Variants in ERAP1 observed in about 807,000 individuals in gnomAD.
The protein encoded by ERAP1 is adipocyte-derived leucine aminopeptidase.
In ERAP1, 86 loss-of-function variants were observed where a neutral mutation model predicts 103.7. The observed-to-expected ratio is 0.83, with a 90% CI of 0.70 to 0.99. The LOEUF (loss-of-function observed/expected upper bound fraction) is 0.99, where lower values mean the gene tolerates loss of function less well. Among genes scored for constraint, ERAP1 ranks in the 50% least tolerant of loss-of-function variants. ERAP1 has a pLI of 0.00. For missense variants in ERAP1, 1,009 were observed against 1,128.4 expected, an observed-to-expected ratio of 0.89 and a Z score of 1.52; for synonymous variants, 398 against 402.4, an observed-to-expected ratio of 0.99 and a Z score of 0.13.
the ERAP1 span, among the ~76,000 whole-genome samples, chr5:96,833,748 A>G: frequency 2.6e-5 from 4 of 151,812 alleles, no homozygotes; most frequent in Non-Finnish European, 5.9e-5. Context: ...CAGTGAACCA[A>G]GATTGCACCA....
chr5:96,830,021 A>G, the ERAP1 span, among the ~76,000 whole-genome samples: 1 of 152,208 alleles, frequency 6.6e-6, no homozygotes, highest in Admixed American at 6.5e-5. Flanking sequence ...CAAAGAGTTA[A>G]CAAGATCTTG....
chr5:96,869,661 C>T, the ERAP1 span, among the ~76,000 whole-genome samples: 2 of 152,128 alleles, frequency 1.3e-5, no homozygotes, highest in Non-Finnish European at 2.9e-5. Flanking sequence ...CTGAAGGAAA[C>T]GAAGAGTGTT....
the ERAP1 span, among the ~76,000 whole-genome samples, chr5:96,933,036 T>C: frequency 6.6e-6 from 1 of 152,144 alleles, no homozygotes; most frequent in Non-Finnish European, 1.5e-5. Context: ...AAAAACATAA[T>C]GGGTTTTGGT....
chr5:96,890,514 G>C, the ERAP1 span, among the ~76,000 whole-genome samples: 1 of 152,178 alleles, frequency 6.6e-6, no homozygotes, highest in Non-Finnish European at 1.5e-5. Flanking sequence ...CCCTGTTGTA[G>C]AGCATATAAA....
the ERAP1 span, among the ~76,000 whole-genome samples, chr5:96,891,323 G>A: frequency 6.0e-5 from 9 of 150,664 alleles, no homozygotes; most frequent in African/African-American, 1.5e-4. Context: ...TAAACCATGC[G>A]CATACATTTA....
chr5:96,781,276 G>A, intron 16 of ERAP1, 78 bp from the exon 17 acceptor site: 1 of 1,467,892 alleles, frequency 6.8e-7, no homozygotes, highest in South Asian at 1.2e-5. Flanking sequence ...AAAATTACTT[G>A]TAAAAGAAAA....
chr5:96,933,151 A>G, the ERAP1 span, among the ~76,000 whole-genome samples: 3 of 150,940 alleles, frequency 2.0e-5, no homozygotes, highest in African/African-American at 7.3e-5. Flanking sequence ...TTTTGCTCCT[A>G]GGTAGGCTTC....
chr5:96,802,714 T>C (rs529207145), intron 2 of ERAP1, among the ~76,000 whole-genome samples: 1 of 152,304 alleles, frequency 6.6e-6, no homozygotes, highest in South Asian at 2.1e-4. Context: ...AGTCCTAACC[T>C]GTAGTATCTG....
chr5:96,767,388 A>C (rs1476882081), intron 19 of ERAP1: 2 of 1,493,366 alleles, frequency 1.3e-6, no homozygotes, highest in African/African-American at 2.8e-5. Flanking sequence ...AAACCTAAGT[A>C]AACCTTTACA....
the ERAP1 span, among the ~76,000 whole-genome samples, chr5:96,815,407 G>GTTTTTTTTTTTTTTTTTTTTTTTTTTT: frequency 9.5e-6 from 1 of 105,458 alleles, no homozygotes. Flanking sequence ...TGTTTGTTTT[G>GTTTTTTTTTTTTTTTTTTTTTTTTTTT]TTTTTTATTT....
intron 7 of ERAP1, among the ~76,000 whole-genome samples, chr5:96,792,487 CACA>C (rs779548416): frequency 1.2e-4 from 18 of 152,110 alleles, no homozygotes; most frequent in Non-Finnish European, 1.9e-4. Context: ...CAAACAGCAA[CACA>C]ACAAGAAATT....
the ERAP1 span, among the ~76,000 whole-genome samples, chr5:96,842,343 G>GT: frequency 6.6e-6 from 1 of 152,126 alleles, no homozygotes; most frequent in Non-Finnish European, 1.5e-5. Context: ...TCTACTTTTA[G>GT]TTCTTGAAGG....
the ERAP1 span, chr5:96,909,524 A>C: frequency 4.3e-6 from 6 of 1,409,358 alleles, no homozygotes; most frequent in African/African-American, 1.4e-5. Context: ...GATGGGCAAG[A>C]ACTGTGTTAA....
chr5:96,923,265 G>A, the ERAP1 span, among the ~76,000 whole-genome samples: 7 of 152,272 alleles, frequency 4.6e-5, no homozygotes, highest in Non-Finnish European at 8.8e-5. Flanking sequence ...CACCACGCCA[G>A]GTCCTGGCTG....
chr5:96,794,089 C>A, intron 5 of ERAP1, 132 bp from the exon 6 acceptor site: 1 of 831,000 alleles, frequency 1.2e-6, no homozygotes, highest in Non-Finnish European at 2.0e-6. Flanking sequence ...CTGGAAGAAC[C>A]TTTCACAATG....
chr5:96,868,296 G>C, the ERAP1 span, among the ~76,000 whole-genome samples: 1 of 152,136 alleles, frequency 6.6e-6, no homozygotes, highest in African/African-American at 2.4e-5. Context: ...AGGAAACAGA[G>C]ACCTCACTAA....
the ERAP1 span, among the ~76,000 whole-genome samples, chr5:96,866,908 G>A: frequency 4.6e-5 from 7 of 152,134 alleles, no homozygotes; most frequent in South Asian, 4.1e-4. Flanking sequence ...AACCAGCTAC[G>A]TTTCCTTGAT....
chr5:96,789,435 C>T (rs570151753), intron 10 of ERAP1, among the ~76,000 whole-genome samples: 4 of 151,608 alleles, frequency 2.6e-5, no homozygotes, highest in Admixed American at 2.0e-4. Context: ...TACAGTGAGC[C>T]GAGATCACGC....
intron 10 of ERAP1, 25 bp downstream of exon 10, chr5:96,790,271 A>G (rs375167644): frequency 2.3e-5 from 37 of 1,606,370 alleles, no homozygotes; most frequent in Middle Eastern, 1.6e-4. Flanking sequence ...TGCTTGGGGG[A>G]ACATGTACAG....
Sources: gnomAD v4.1 joint callset for allele counts (sites outside exome capture counted in the v4.1 genomes callset) on GRCh38, gnomAD v4.1.1 for gene constraint, MANE v1.5 for transcripts, NCBI Gene and HGNC (gene_info 2026-07-23, HGNC 2026-07-21) for gene names.